URM1: variants seen among roughly 807,000 people sequenced by gnomAD.
URM1 encodes ubiquitin-related modifier 1.
In URM1, 11 loss-of-function variants were observed where a neutral mutation model predicts 17.7. That is an observed-to-expected ratio of 0.62 (90% CI 0.39 to 1.03). The LOEUF (loss-of-function observed/expected upper bound fraction) is 1.03. Among genes scored for constraint, URM1 ranks in the 50% least tolerant of loss-of-function variants. The pLI, the probability that URM1 is intolerant of heterozygous loss-of-function variation, is 0.00. For missense variants in URM1, 128 were observed against 129.2 expected (o/e 0.99, Z 0.04); for synonymous variants, 48 against 50.6 (o/e 0.95, Z 0.22).
intron 1 of URM1, 116 bp downstream of exon 1, chr9:128,371,531 T>C: frequency 9.5e-7 from 1 of 1,053,238 alleles, no homozygotes; most frequent in East Asian, 2.5e-5. Context: ...CAGTGCCCGC[T>C]GTGAGCTACG....
intron 2 of URM1, among the ~76,000 whole-genome samples, chr9:128,381,026 A>G (rs1375054965): frequency 2.0e-5 from 3 of 151,932 alleles, no homozygotes; most frequent in Admixed American, 6.6e-5. Context: ...GGGTTTCACC[A>G]TGTTAGCCAG....
chr9:128,389,630 C>G, intron 4 of URM1, 36 bp from the exon 5 acceptor site: 2 of 1,612,566 alleles, frequency 1.2e-6, no homozygotes. Flanking sequence ...GGAAGGTGGC[C>G]CTGAGGGTCT....
In URM1 at chr9:128,389,915, G is replaced by A. The variant is rs1178321623; in HGVS notation, c.*181G>A. Reference sequence around the variant, plus strand: ...CTAAAAATGAGCCTTTCTCAAGCACGTGAGCAGCGGAAGGCAGACAGGCGC... The same window carrying A: ...CTAAAAATGAGCCTTTCTCAAGCACATGAGCAGCGGAAGGCAGACAGGCGC... On this transcript the variant is annotated 3_prime_UTR_variant, in exon 5 of 5. Transcript: ENST00000372853. The A allele has an allele frequency of 4.3e-5, 34 of 781,704 alleles. No individual in the cohort carries two copies. Among genetic ancestry groups the A allele is most frequent in the Non-Finnish European group, 5.8e-5 (29 of 504,336 alleles). The allele number at this position is 781,704 out of a possible 1,614,324, so 48.4% of individuals were successfully genotyped here.
At chr9:128,379,571 G>A (rs1359645843) in intron 2 of URM1, among the ~76,000 whole-genome samples, 4 of 152,044 alleles carry the variant, frequency 2.6e-5, no homozygotes, top group Non-Finnish European at 5.9e-5. Flanking sequence ...AGGCCAAGGC[G>A]GGTGGATCAC....
At chr9:128,375,812 T>C (rs1027392235) in intron 1 of URM1, among the ~76,000 whole-genome samples, 1 of 151,988 alleles carries the variant, frequency 6.6e-6, no homozygotes, top group African/African-American at 2.4e-5. Flanking sequence ...CTCCCTCGCC[T>C]CTCAGCCTCC....
Position 128,389,875 on chromosome 9 carries a change from A to G in URM1, c.*141A>G. On this transcript the variant is annotated 3_prime_UTR_variant, in exon 5 of 5. Coordinates refer to ENST00000372853, the MANE Select transcript of URM1 (RefSeq NM_030914.4). ...TCCCCTAAGCTCCCTCCAGGCAGGG[A>G]AAAGAGGCCAGGTGCTAAAAATGAG... 2.6e-6 allele frequency: 3 copies of G among 1,174,932 alleles called. No homozygotes were observed. The highest frequency in any genetic ancestry group is 3.5e-6 in the Non-Finnish European group (3 of 849,842). 72.8% of individuals were successfully genotyped at this position (1,174,932 alleles called of 1,614,324 possible).
In URM1 at chr9:128,388,967, A is replaced by C. The variant is rs1248243882; in HGVS notation, c.189-294A>C. On this transcript the variant is annotated intron_variant, in intron 3 of 4. Transcript: ENST00000372853. ...TGGGTTAGACAGTATCACTTATCCC[A>C]TTTTCAGATGAGGAACCTGATACTC... 13 of 1,240,852 alleles carry C rather than the reference A, an allele frequency of 1.0e-5. No individual in the cohort carries two copies. The East Asian group carries it at 4.4e-4, about 42-fold the overall frequency. 76.9% of individuals were successfully genotyped at this position (1,240,852 alleles called of 1,614,324 possible). A position where few individuals can be genotyped will look rare whatever the true frequency, so the allele number is the denominator to read the frequency against.
chr9:128,372,871 C>A (rs917288035), intron 1 of URM1, among the ~76,000 whole-genome samples: 4 of 151,120 alleles, frequency 2.6e-5, no homozygotes, highest in Non-Finnish European at 5.9e-5. Flanking sequence ...CCCAAGAATT[C>A]GAGACCAGCC....
chr9:128,371,438 C>T (rs1182511626), intron 1 of URM1, 23 bp downstream of exon 1: 15 of 1,609,814 alleles, frequency 9.3e-6, no homozygotes, highest in Non-Finnish European at 1.2e-5. Flanking sequence ...GCTGGGGCGC[C>T]GTGGGGATGG....
chr9:128,380,170 A>G (rs1033453007), intron 2 of URM1, among the ~76,000 whole-genome samples: 2 of 152,166 alleles, frequency 1.3e-5, no homozygotes, highest in Non-Finnish European at 2.9e-5. Flanking sequence ...GAAAATGGTC[A>G]AGTGAGATTT....
At chr9:128,381,667 C>G (rs1833161424) in intron 2 of URM1, among the ~76,000 whole-genome samples, 1 of 152,180 alleles carries the variant, frequency 6.6e-6, no homozygotes, top group South Asian at 2.1e-4. Flanking sequence ...AGCCTGGGCG[C>G]AGAGCAAGAC....
rs1292135487 is a variant in URM1, at chr9:128,383,862, G to A, written c.107-3954G>A. Among the ~76,000 whole-genome samples the A allele has an allele frequency of 3.3e-5, 5 of 152,188 alleles. No individual in the cohort carries two copies. The East Asian group carries it at 7.7e-4, about 23-fold the overall frequency. On this transcript the variant is annotated intron_variant, in intron 2 of 4. Coordinates refer to ENST00000372853, the MANE Select transcript of URM1 (RefSeq NM_030914.4). ...CAGAATAGGACAAGTCCACCGGGGCGAGGGATTCTGGTGGAGCTTGCGTCG... is the reference window on the plus strand; with the variant it reads ...CAGAATAGGACAAGTCCACCGGGGCAAGGGATTCTGGTGGAGCTTGCGTCG...
intron 4 of URM1, 173 bp from the exon 5 acceptor site, chr9:128,389,493 G>A (rs762718702): frequency 1.3e-6 from 2 of 1,556,666 alleles, no homozygotes; most frequent in South Asian, 2.3e-5. Flanking sequence ...CTGGGGACAT[G>A]GGAGTACTCC....
chr9:128,378,801 G>A (rs981436004), intron 2 of URM1, among the ~76,000 whole-genome samples: 5 of 151,376 alleles, frequency 3.3e-5, no homozygotes, highest in African/African-American at 1.2e-4. Context: ...CAAAAAATTA[G>A]TCACGCATAG....
rs117287122 is a variant in URM1, at chr9:128,387,958, C to T, written c.188+61C>T. ...AGGGAGGGACGGATATTTGAGCCCC[C>T]ACCCTCGGGTTCAGTCCTGGCCTTC... On this transcript the variant is annotated intron_variant, in intron 3 of 4. Transcript: ENST00000372853. The surrounding 1 kb of genome is among the most constrained non-coding windows in gnomAD (Gnocchi z 4.3). The T allele has an allele frequency of 1.2e-6, 2 of 1,608,394 alleles. No homozygotes were observed. The highest frequency in any genetic ancestry group is 2.2e-5 in the South Asian group (2 of 90,790).
At chr9:128,382,285 G>A (rs1460424195) in intron 2 of URM1, among the ~76,000 whole-genome samples, 1 of 152,140 alleles carries the variant, frequency 6.6e-6, no homozygotes, top group African/African-American at 2.4e-5. Context: ...GTCACCAACA[G>A]AGCTGGTTAG....
At chr9:128,380,328 G>A (rs373715656) in intron 2 of URM1, among the ~76,000 whole-genome samples, 52 of 152,278 alleles carry the variant, frequency 3.4e-4, no homozygotes, top group Admixed American at 1.2e-3. Context: ...TGGAGGCTGG[G>A]GGGGGGACAC....
At chr9:128,389,211 A>G (rs56170225) in intron 3 of URM1, 50 bp from the exon 4 acceptor site, 16 of 1,557,114 alleles carry the variant, frequency 1.0e-5, no homozygotes, top group Non-Finnish European at 1.4e-5. Flanking sequence ...CCTCTGTGCT[A>G]CTGCCTCCTG....
Position 128,387,261 on chromosome 9 carries a change from G to A in URM1, c.107-555G>A, listed in dbSNP as rs1376902024. 3.3e-5 allele frequency among the ~76,000 whole-genome samples: 5 copies of A among 152,252 alleles called. No homozygotes were observed. Among genetic ancestry groups the A allele is most frequent in the Non-Finnish European group, 7.3e-5 (5 of 68,040 alleles). ...AGGGATTTGTCAGCATCCCTAGCTG[G>A]TGAATGATCCTTCTCTCCCTCTGCC... On this transcript the variant is annotated intron_variant, in intron 2 of 4. Coordinates refer to ENST00000372853, the MANE Select transcript of URM1 (RefSeq NM_030914.4). The surrounding 1 kb of genome is among the most constrained non-coding windows in gnomAD (Gnocchi z 4.3).
Sources: gnomAD v4.1 joint callset for allele counts (sites outside exome capture counted in the v4.1 genomes callset) on GRCh38, gnomAD v4.1.1 for gene constraint, Gnocchi (gnomAD v3.1) non-coding constraint, MANE v1.5 for transcripts, NCBI Gene and HGNC (gene_info 2026-07-23, HGNC 2026-07-21) for gene names.